The following RAB40A variants were observed in gnomAD, a reference collection of about 807,000 sequenced individuals.
The protein encoded by RAB40A is RAB40A, member RAS oncogene family, also known as ras-related protein Rab-40A.
For missense variants in RAB40A, 145 were observed against 230.2 expected, an observed-to-expected ratio of 0.63 and a Z score of 2.40; for synonymous variants, 65 against 99.9, an observed-to-expected ratio of 0.65 and a Z score of 2.08.
At chrX:103,505,535 A>G (rs1178946299) in intron 2 of RAB40A, among the ~76,000 whole-genome samples, 1 of 111,780 alleles carries the variant, frequency 8.9e-6, no homozygotes, top group Non-Finnish European at 1.9e-5. Flanking sequence ...ATCTCATGAC[A>G]ATTTTAATTT....
downstream of RAB40A, among the ~76,000 whole-genome samples, chrX:103,498,764 CAAAT>C (rs1422090441): frequency 8.9e-6 from 1 of 112,281 alleles, no homozygotes; most frequent in Admixed American, 9.4e-5. Context: ...TGACAATGCA[CAAAT>C]AAATGGTCAT....
chrX:103,508,046 C>T (rs2073265746), intron 2 of RAB40A, among the ~76,000 whole-genome samples: 1 of 112,671 alleles, frequency 8.9e-6, no homozygotes, highest in African/African-American at 3.2e-5. Flanking sequence ...GTATGTTTCA[C>T]AAATCAGGGA....
intron 2 of RAB40A, among the ~76,000 whole-genome samples, chrX:103,512,505 T>C (rs977998571): frequency 3.6e-5 from 4 of 111,583 alleles, no homozygotes; most frequent in Non-Finnish European, 5.6e-5. Flanking sequence ...CTCCTCTTTA[T>C]AGATGGTGGT....
At chrX:103,507,901 A>C (rs2073264878) in intron 2 of RAB40A, among the ~76,000 whole-genome samples, 1 of 111,041 alleles carries the variant, frequency 9.0e-6, no homozygotes, top group Non-Finnish European at 1.9e-5. Context: ...CCACCCCTTG[A>C]CCCCAAGGAG....
intron 2 of RAB40A, among the ~76,000 whole-genome samples, chrX:103,516,046 G>A (rs2073315176): frequency 8.9e-6 from 1 of 111,993 alleles, no homozygotes; most frequent in African/African-American, 3.2e-5. Context: ...AGCAACATAT[G>A]GGAATTATAA....
chrX:103,511,978 A>G (rs1396986489), intron 2 of RAB40A, among the ~76,000 whole-genome samples: 1 of 111,379 alleles, frequency 9.0e-6, no homozygotes, highest in East Asian at 2.8e-4. Context: ...GGAGAGCAAT[A>G]TGTGGTGACA....
chrX:103,501,324 C>G (rs1159475725), intron 2 of RAB40A: 1 of 125,430 alleles, frequency 8.0e-6, no homozygotes, highest in East Asian at 2.8e-4. Context: ...TGAGCCAGTG[C>G]TCTCCTCATA....
In RAB40A at chrX:103,499,873, C is replaced by G. The variant is rs779519458; in HGVS notation, c.*50G>C. 7 of 1,188,249 alleles carry G rather than the reference C, an allele frequency of 5.9e-6. No individual in the cohort carries two copies. The highest frequency in any genetic ancestry group is 8.0e-6 in the Non-Finnish European group (7 of 875,033). On this transcript the variant is annotated 3_prime_UTR_variant, in exon 3 of 3. Coordinates refer to ENST00000304236, the MANE Select transcript of RAB40A (RefSeq NM_080879.3). ...TGCGACTTCCATCTTCCAGGTGTAA[C>G]CAGAGTTTTTCCTGGAGCGATTCCA... is the stretch of plus-strand genomic sequence containing the variant.
chrX:103,509,788 T>C (rs1045839681), intron 2 of RAB40A, among the ~76,000 whole-genome samples: 27 of 103,948 alleles, frequency 2.6e-4, no homozygotes, highest in African/African-American at 9.1e-4. Flanking sequence ...TTTGTATAAA[T>C]GTATTAACAT....
chrX:103,513,832 T>C (rs1325671657), intron 2 of RAB40A, among the ~76,000 whole-genome samples: 1 of 109,980 alleles, frequency 9.1e-6, no homozygotes, highest in Non-Finnish European at 1.9e-5. Context: ...ATTGTGCCTG[T>C]TAATAGCCAC....
chrX:103,511,817 C>T (rs899376060), intron 2 of RAB40A, among the ~76,000 whole-genome samples: 18 of 111,557 alleles, frequency 1.6e-4, no homozygotes, highest in African/African-American at 5.5e-4. Flanking sequence ...GTTCTGTACA[C>T]GTACCCTAGA....
At chrX:103,496,113 A>G (rs951990030), downstream of RAB40A, among the ~76,000 whole-genome samples, 1 of 111,838 alleles carries the variant, frequency 8.9e-6, no homozygotes, top group African/African-American at 3.3e-5. Flanking sequence ...TGTGGTAACT[A>G]TTTTACATTC....
intron 2 of RAB40A, among the ~76,000 whole-genome samples, chrX:103,506,737 T>G (rs1227571780): frequency 9.2e-6 from 1 of 108,833 alleles, no homozygotes; most frequent in Non-Finnish European, 1.9e-5. Flanking sequence ...CCTAGAATAG[T>G]GCACACTCTC....
At chrX:103,512,148 G>A (rs16983958) in intron 2 of RAB40A, among the ~76,000 whole-genome samples, 5,347 of 111,770 alleles carry the variant, frequency 0.048, 308 homozygotes, top group African/African-American at 0.17. Context: ...CCTTGAGTTC[G>A]ATGTTTTGTA....
chrX:103,511,013 T>C (rs954442515), intron 2 of RAB40A, among the ~76,000 whole-genome samples: 1 of 112,225 alleles, frequency 8.9e-6, no homozygotes, highest in African/African-American at 3.2e-5. Flanking sequence ...AAAAGATACA[T>C]TGATGTACTA....
At chrX:103,495,661 A>C (rs1007633428), downstream of RAB40A, among the ~76,000 whole-genome samples, 1 of 112,309 alleles carries the variant, frequency 8.9e-6, no homozygotes, top group African/African-American at 3.2e-5. Context: ...GTGTTGCAGC[A>C]TATATCAGTT....
Position 103,499,137 on chromosome X carries a change from C to T in RAB40A, c.*786G>A, listed in dbSNP as rs1243354600. On this transcript the variant is annotated 3_prime_UTR_variant, in exon 3 of 3. Transcript: ENST00000304236. ...AAAGAGAAAAATATATACTTTTTTA[C>T]TGTTAAGAAACATTTTCTCAAATAA... 6 of 115,794 alleles carry T rather than the reference C, an allele frequency of 5.2e-5. No homozygotes were observed. Among genetic ancestry groups the T allele is most frequent in the African/African-American group, 1.6e-4 (5 of 31,051 alleles). 9.5% of individuals were successfully genotyped at this position (115,794 alleles called of 1,213,427 possible).
At chrX:103,515,661 G>A (rs778305636) in intron 2 of RAB40A, among the ~76,000 whole-genome samples, 1 of 112,082 alleles carries the variant, frequency 8.9e-6, no homozygotes, top group Admixed American at 9.5e-5. Flanking sequence ...ATAGAAAAGA[G>A]TGAGTACTCA....
chrX:103,513,198 T>C (rs2073300061), intron 2 of RAB40A, among the ~76,000 whole-genome samples: 1 of 111,717 alleles, frequency 9.0e-6, no homozygotes, highest in South Asian at 3.8e-4. Flanking sequence ...ATGAAAGTGG[T>C]TTCACAACAT....
Sources: allele counts gnomAD v4.1 joint callset (sites outside exome capture counted in the v4.1 genomes callset), GRCh38; gene constraint gnomAD v4.1.1; transcripts MANE v1.5; gene names NCBI Gene and HGNC (gene_info 2026-07-23, HGNC 2026-07-21).